Variants in NRG1 observed in about 807,000 individuals in gnomAD.
NRG1 encodes neuregulin 1.
In NRG1, 18 loss-of-function variants were observed where a neutral mutation model predicts 63.8. The observed-to-expected ratio is 0.28, with a 90% CI of 0.19 to 0.42. The LOEUF (loss-of-function observed/expected upper bound fraction) is 0.42. NRG1 is among the 10% of genes least tolerant of loss of function. The pLI, the probability that NRG1 is intolerant of heterozygous loss-of-function variation, is 1.00. For synonymous variants in NRG1, 302 were observed against 301.3 expected, an observed-to-expected ratio of 1.00 and a Z score of -0.02; for missense variants, 762 against 814.7, an observed-to-expected ratio of 0.94 and a Z score of 0.79.
intron 1 of NRG1, among the ~76,000 whole-genome samples, chr8:31,824,773 G>A (rs1489696277): frequency 6.6e-6 from 1 of 152,084 alleles, no homozygotes; most frequent in African/African-American, 2.4e-5. Flanking sequence ...ATTCACATTA[G>A]ACATTTGTTA....
At chr8:31,769,068 A>G (rs1249842359) in intron 1 of NRG1, among the ~76,000 whole-genome samples, 1 of 152,174 alleles carries the variant, frequency 6.6e-6, no homozygotes, top group African/African-American at 2.4e-5. Context: ...TGTACTCCTT[A>G]CCCTGCTTTA....
At chr8:31,949,620 A>T (rs946248685) in intron 1 of NRG1, among the ~76,000 whole-genome samples, 1 of 152,118 alleles carries the variant, frequency 6.6e-6, no homozygotes, top group African/African-American at 2.4e-5. Context: ...TCTCCATTTG[A>T]TAGCACCTCT....
intron 1 of NRG1, among the ~76,000 whole-genome samples, chr8:31,997,405 A>G (rs1014139903): frequency 6.6e-6 from 1 of 151,982 alleles, no homozygotes; most frequent in Non-Finnish European, 1.5e-5. Context: ...CTGGCTAGGC[A>G]ATAGGGTGCA....
chr8:32,142,788 A>G (rs1295355806), intron 1 of NRG1, among the ~76,000 whole-genome samples: 1 of 152,232 alleles, frequency 6.6e-6, no homozygotes, highest in Non-Finnish European at 1.5e-5. Flanking sequence ...TAAATGTTTT[A>G]AAAATAGTGC....
chr8:32,536,542 G>C (rs987362318), intron 1 of NRG1, among the ~76,000 whole-genome samples: 2 of 152,140 alleles, frequency 1.3e-5, no homozygotes, highest in Non-Finnish European at 2.9e-5. Flanking sequence ...TCCCATCATA[G>C]TCGTAATTCT....
At chr8:32,574,277 G>T (rs1031321582) in intron 1 of NRG1, among the ~76,000 whole-genome samples, 6 of 152,134 alleles carry the variant, frequency 3.9e-5, no homozygotes, top group African/African-American at 1.4e-4. Flanking sequence ...CCGTAATTAT[G>T]TCTCTAATTT....
At chr8:32,021,060 TTA>T (rs1335792604) in intron 1 of NRG1, among the ~76,000 whole-genome samples, 1 of 152,222 alleles carries the variant, frequency 6.6e-6, no homozygotes, top group Non-Finnish European at 1.5e-5. Context: ...TGAAATTGCG[TTA>T]TATGTTTAAG....
At chr8:32,476,729 T>C (rs1278368163) in intron 1 of NRG1, among the ~76,000 whole-genome samples, 2 of 152,202 alleles carry the variant, frequency 1.3e-5, no homozygotes, top group Non-Finnish European at 2.9e-5. Flanking sequence ...TGACCTGCAG[T>C]AAATATTGAC....
At chr8:32,445,521 C>A (rs1820127742) in intron 1 of NRG1, among the ~76,000 whole-genome samples, 1 of 152,108 alleles carries the variant, frequency 6.6e-6, no homozygotes, top group Non-Finnish European at 1.5e-5. Flanking sequence ...ATTTCACCTT[C>A]TGGGTGACAT....
intron 7 of NRG1, among the ~76,000 whole-genome samples, chr8:32,751,667 G>A (rs74572692): frequency 0.052 from 7,861 of 152,236 alleles, 253 homozygotes; most frequent in Middle Eastern, 0.099. Context: ...TTAATCCCAC[G>A]TCTGTATTCT....
intron 1 of NRG1, among the ~76,000 whole-genome samples, chr8:31,645,598 C>T (rs938891190): frequency 6.6e-6 from 1 of 152,162 alleles, no homozygotes; most frequent in East Asian, 1.9e-4. Context: ...TATTAGGAAA[C>T]AGTTCTCCCT....
At chr8:32,578,670 T>C (rs1251639885) in intron 1 of NRG1, among the ~76,000 whole-genome samples, 3 of 152,212 alleles carry the variant, frequency 2.0e-5, no homozygotes, top group Admixed American at 6.5e-5. Context: ...GTGATGTCTC[T>C]ATAGCTTTTA....
upstream of NRG1, among the ~76,000 whole-genome samples, chr8:32,547,590 AACACACACACACACACACAC>A (rs33943729): frequency 0.063 from 9,367 of 148,438 alleles, 373 homozygotes; most frequent in Non-Finnish European, 0.095. Flanking sequence ...GCACTTACTA[AACACACACACACACACACAC>A]ACACACACAC....
chr8:31,879,618 G>A lies in NRG1; in HGVS notation c.37+240187G>A, dbSNP rs182834213. Among the ~76,000 whole-genome samples the A allele has an allele frequency of 1.1e-4, 16 of 152,220 alleles. No individual in the cohort carries two copies. The East Asian group carries it at 1.7e-3, about 17-fold the overall frequency. ...GAAGGTTTGTTATAAAGATAAACAC[G>A]TCATGGGGGTTTGTTGTACATATTA... On this transcript the variant is annotated intron_variant, in intron 1 of 10. Coordinates refer to the NRG1 transcript ENST00000519301.
At chr8:32,052,474 G>A (rs1427118056) in intron 1 of NRG1, among the ~76,000 whole-genome samples, 1 of 151,604 alleles carries the variant, frequency 6.6e-6, no homozygotes, top group Non-Finnish European at 1.5e-5. Flanking sequence ...AAAGACAGGG[G>A]TCTCACGGTG....
In NRG1 at chr8:32,179,208, A is replaced by G. The variant is rs920564988; in HGVS notation, c.38-416620A>G. On this transcript the variant is annotated intron_variant, in intron 1 of 10. Transcript: ENST00000519301. ...GTCATAAAAAAAAAAAAAAAAAAAA[A>G]AAAAAGTAGGAGGGAGTGCCTATAT... Among the ~76,000 whole-genome samples the G allele has an allele frequency of 5.4e-4, 82 of 151,346 alleles. No individual in the cohort carries two copies. In the East Asian group the frequency reaches 0.015, roughly 28 times the overall value.
chr8:32,368,231 C>T (rs1808342268), intron 1 of NRG1, among the ~76,000 whole-genome samples: 2 of 152,152 alleles, frequency 1.3e-5, no homozygotes, highest in Admixed American at 1.3e-4. Flanking sequence ...TTAGTAGCTT[C>T]TGAGTAATGA....
intron 1 of NRG1, among the ~76,000 whole-genome samples, chr8:31,911,712 C>T (rs373347532): frequency 6.6e-6 from 1 of 152,126 alleles, no homozygotes; most frequent in Admixed American, 6.5e-5. Context: ...TGCACATGTA[C>T]CTCTGAACTT....
chr8:32,226,893 T>C (rs1272274372), intron 1 of NRG1, among the ~76,000 whole-genome samples: 1 of 152,202 alleles, frequency 6.6e-6, no homozygotes, highest in Non-Finnish European at 1.5e-5. Flanking sequence ...TCACTGCTGA[T>C]TTCTATTTGT....
Sources: allele counts gnomAD v4.1 joint callset (sites outside exome capture counted in the v4.1 genomes callset), GRCh38; gene constraint gnomAD v4.1.1; transcripts MANE v1.5; gene names NCBI Gene and HGNC (gene_info 2026-07-23, HGNC 2026-07-21).